Variants in KHDRBS1 observed in about 807,000 individuals in gnomAD.
KHDRBS1 encodes the protein KH RNA binding domain containing, signal transduction associated 1, also known as KH domain-containing, RNA-binding, signal transduction-associated protein 1.
Under a neutral mutation model 48.4 loss-of-function variants are expected in KHDRBS1, and 7 were observed. That is an observed-to-expected ratio of 0.14 (90% CI 0.08 to 0.27). KHDRBS1 has a LOEUF of 0.27. KHDRBS1 is among the 10% of genes least tolerant of loss of function. KHDRBS1 has a pLI of 1.00. For missense variants in KHDRBS1, 458 were observed against 601.2 expected, an observed-to-expected ratio of 0.76 and a Z score of 2.49; for synonymous variants, 241 against 235.8, an observed-to-expected ratio of 1.02 and a Z score of -0.20.
At chr1:32,015,699 T>G (rs1292337336) in intron 1 of KHDRBS1, among the ~76,000 whole-genome samples, 1 of 152,142 alleles carries the variant, frequency 6.6e-6, no homozygotes, top group Non-Finnish European at 1.5e-5. Flanking sequence ...TGGAGAAATG[T>G]GATTGAGGTT....
At position 32,013,905 on chromosome 1, in the gene KHDRBS1, C is replaced by T. The variant is rs965725793; in HGVS notation, c.-91C>T. On this transcript the variant is annotated 5_prime_UTR_variant, in exon 1 of 9. Transcript: ENST00000327300. ...CGCTCGGGTCGGCTTCGGTCGCTAC[C>T]GCTCCCGCTCTGCCACCCCCGCCAA... The T allele has an allele frequency of 4.8e-6, 6 of 1,241,750 alleles. No individual in the cohort carries two copies. Among genetic ancestry groups the T allele is most frequent in the South Asian group, 2.1e-5 (1 of 47,138 alleles). 76.9% of individuals were successfully genotyped at this position (1,241,750 alleles called of 1,614,324 possible).
At chr1:32,042,479 A>G in intron 8 of KHDRBS1, 48 bp from the exon 9 acceptor site, 1 of 1,272,136 alleles carries the variant, frequency 7.9e-7, no homozygotes, top group Non-Finnish European at 1.1e-6. Context: ...GCTTATCCCT[A>G]AGTGCTGTCG....
chr1:32,037,134 G>C lies in KHDRBS1; in HGVS notation c.905+91G>C, dbSNP rs1045568357. ...GGTGCTCTTATGTCTAGCTTAGGAA[G>C]GGTCTCAGGATTTGTATGTTGCATA... is the stretch of plus-strand genomic sequence containing the variant. On this transcript the variant is annotated intron_variant, in intron 5 of 8. Coordinates refer to ENST00000327300, the MANE Select transcript of KHDRBS1 (RefSeq NM_006559.3). The C allele has an allele frequency of 2.2e-6, 3 of 1,395,006 alleles. No homozygotes were observed. The African/African-American group carries it at 4.3e-5, about 20-fold the overall frequency. 86.4% of individuals were successfully genotyped at this position (1,395,006 alleles called of 1,614,324 possible).
chr1:32,023,240 T>C lies in KHDRBS1; in HGVS notation c.383-7058T>C, dbSNP rs911036299. On this transcript the variant is annotated intron_variant, in intron 1 of 8. Coordinates refer to ENST00000327300, the MANE Select transcript of KHDRBS1 (RefSeq NM_006559.3). ...AAAGTGGGGGGTGGGAAAGGTTAAGTTATAGTAAAAGATGAAGGAAATTTT... is the reference window on the plus strand; with the variant it reads ...AAAGTGGGGGGTGGGAAAGGTTAAGCTATAGTAAAAGATGAAGGAAATTTT... Among the ~76,000 whole-genome samples the C allele has an allele frequency of 8.5e-5, 13 of 152,178 alleles. No homozygotes were observed. The East Asian group carries it at 2.3e-3, about 27-fold the overall frequency.
intron 10 of KHDRBS1, chr1:32,052,515 A>C (rs763428421): frequency 2.0e-5 from 3 of 151,748 alleles, no homozygotes; most frequent in Non-Finnish European, 4.4e-5. Flanking sequence ...CTCCTGCCTC[A>C]GCCTCCTGAG....
chr1:32,033,534 C>A (rs922938897), intron 4 of KHDRBS1, among the ~76,000 whole-genome samples, 200 bp downstream of exon 4: 3 of 152,200 alleles, frequency 2.0e-5, no homozygotes, highest in African/African-American at 7.2e-5. Flanking sequence ...CTCTATCCCT[C>A]CTTGTCTAAT....
chr1:32,026,837 C>G (rs1638981779), intron 1 of KHDRBS1, among the ~76,000 whole-genome samples: 1 of 152,176 alleles, frequency 6.6e-6, no homozygotes, highest in South Asian at 2.1e-4. Flanking sequence ...CCCTATCGCC[C>G]AAGCTGGAGT....
chr1:32,037,615 C>A (rs1007712927), intron 5 of KHDRBS1, among the ~76,000 whole-genome samples: 1 of 152,146 alleles, frequency 6.6e-6, no homozygotes, highest in African/African-American at 2.4e-5. Context: ...TTCAGACTCT[C>A]CAGACCTACC....
At chr1:32,038,738 A>G (rs1202419566) in intron 7 of KHDRBS1, 119 bp downstream of exon 7, 4 of 892,508 alleles carry the variant, frequency 4.5e-6, no homozygotes, top group East Asian at 2.8e-5. Flanking sequence ...TTTTGAGGGT[A>G]TCTCCTCTGC....
intron 10 of KHDRBS1, chr1:32,052,670 T>A (rs1639436992): frequency 6.6e-6 from 1 of 152,182 alleles, no homozygotes; most frequent in Admixed American, 6.5e-5. Flanking sequence ...GTGCTGGGAT[T>A]ACAAGTGTGA....
intron 10 of KHDRBS1, among the ~76,000 whole-genome samples, chr1:32,059,104 G>T (rs1056470090): frequency 6.7e-6 from 1 of 149,504 alleles, no homozygotes; most frequent in Non-Finnish European, 1.5e-5. Context: ...CTGCAGTACT[G>T]GAGCTAAGAT....
intron 1 of KHDRBS1, among the ~76,000 whole-genome samples, chr1:32,018,148 G>A (rs1375055601): frequency 2.6e-5 from 4 of 152,092 alleles, no homozygotes; most frequent in Non-Finnish European, 5.9e-5. Context: ...TACAGGGCTA[G>A]CAAAACCTGC....
rs1639306817 is a variant in KHDRBS1, at chr1:32,042,916, A to G, written c.*292A>G. Reference sequence around the variant, plus strand: ...TATAAACAGAAGTGTACCTTTTATAATAAAAAAAAGAAGTTGAGTAAAAAA... The same window carrying G: ...TATAAACAGAAGTGTACCTTTTATAGTAAAAAAAAGAAGTTGAGTAAAAAA... On this transcript the variant is annotated 3_prime_UTR_variant, in exon 9 of 9. Coordinates refer to ENST00000327300, the MANE Select transcript of KHDRBS1 (RefSeq NM_006559.3). 2 of 186,298 alleles carry G rather than the reference A, an allele frequency of 1.1e-5. No homozygotes were observed. The highest frequency in any genetic ancestry group is 1.2e-4 in the Admixed American group (2 of 16,526). 11.5% of individuals were successfully genotyped at this position (186,298 alleles called of 1,614,324 possible).
intron 1 of KHDRBS1, among the ~76,000 whole-genome samples, chr1:32,019,916 C>T (rs1056795751): frequency 6.6e-6 from 1 of 152,068 alleles, no homozygotes; most frequent in Admixed American, 6.5e-5. Context: ...GGATTACAGG[C>T]GCCCACCACC....
intron 10 of KHDRBS1, among the ~76,000 whole-genome samples, chr1:32,056,419 A>C (rs145929830): frequency 1.4e-3 from 213 of 152,284 alleles, no homozygotes; most frequent in African/African-American, 4.3e-3. Flanking sequence ...CCTTGCCAGA[A>C]ATTTGGGTAC....
In KHDRBS1 at chr1:32,059,451, G is replaced by A. The variant is rs753577; in HGVS notation, n.1302-712G>A. The stretch of plus-strand genomic sequence containing the variant: ...TCGTATATGGAGGCTGAGGTTGGAG[G>A]ATCACTTTAGCCCAGGAGATCAAGG... On this transcript the variant is annotated intron_variant and non_coding_transcript_variant, in intron 10 of 10. Transcript: ENST00000484270. Among the ~76,000 whole-genome samples the A allele has an allele frequency of 6.8e-3, 1,032 of 151,846 alleles. 18 individuals are homozygous for A. The highest frequency in any genetic ancestry group is 0.024 in the African/African-American group (991 of 41,386).
intron 10 of KHDRBS1, among the ~76,000 whole-genome samples, chr1:32,053,561 T>C (rs1043921650): frequency 2.0e-5 from 3 of 152,138 alleles, no homozygotes; most frequent in Non-Finnish European, 4.4e-5. Context: ...CACTTGACTT[T>C]ATTTTTTATA....
intron 2 of KHDRBS1, 142 bp from the exon 3 acceptor site, chr1:32,031,382 A>T: frequency 1.6e-6 from 1 of 607,286 alleles, no homozygotes; most frequent in Non-Finnish European, 3.0e-6. Flanking sequence ...CACTTTATTA[A>T]TATGGCTTCA....
intron 10 of KHDRBS1, among the ~76,000 whole-genome samples, chr1:32,053,165 C>G (rs750159912): frequency 2.0e-5 from 3 of 151,886 alleles, no homozygotes; most frequent in East Asian, 1.9e-4. Context: ...AATAATATAC[C>G]TATAAAATAA....
Sources: gnomAD v4.1 joint callset for allele counts (sites outside exome capture counted in the v4.1 genomes callset) on GRCh38, gnomAD v4.1.1 for gene constraint, MANE v1.5 for transcripts, NCBI Gene and HGNC (gene_info 2026-07-23, HGNC 2026-07-21) for gene names.